Variants in KLHL1 observed in about 807,000 individuals in gnomAD.
The protein encoded by KLHL1 is kelch like family member 1.
KLHL1 carries 47 observed loss-of-function variants against 77.7 expected under a neutral mutation model. The observed-to-expected ratio is 0.60, with a 90% CI of 0.48 to 0.77. The LOEUF (loss-of-function observed/expected upper bound fraction) is 0.77. Among genes scored for constraint, KLHL1 ranks in the 30% least tolerant of loss-of-function variants. The pLI is 0.00. For missense variants in KLHL1, 925 were observed against 910.8 expected (o/e 1.02, Z -0.20); for synonymous variants, 360 against 325.2 (o/e 1.11, Z -1.15).
rs375572650 is a variant in KLHL1, at chr13:69,719,444, C to T, written c.1940G>A (p.Gly647Asp). 1.9e-6 allele frequency: 3 copies of T among 1,613,462 alleles called. No individual in the cohort carries two copies. The highest frequency in any genetic ancestry group is 2.5e-6 in the Non-Finnish European group (3 of 1,179,770). ...ATGACCTCCTACTGCATAAAGAAAA[C>T]CGTCACATGTGGCCACTCCGACACC... Reference protein sequence around the residue: ...RGGVGVATCDGFLYAVGGHDA... With the variant: ...RGGVGVATCDDFLYAVGGHDA... Residue 647 changes from glycine to aspartate, a missense_variant, in exon 9 of 11, where the codon GGT (glycine) becomes GAT (aspartate). Coordinates refer to ENST00000377844, the MANE Select transcript of KLHL1 (RefSeq NM_020866.3).
chr13:69,884,076 T>C (rs1881105941), intron 4 of KLHL1, among the ~76,000 whole-genome samples: 1 of 152,220 alleles, frequency 6.6e-6, no homozygotes, highest in Admixed American at 6.5e-5. Context: ...ACCATTAATC[T>C]GTATGTTAGA....
intron 5 of KLHL1, among the ~76,000 whole-genome samples, chr13:69,865,916 G>A (rs1880349779): frequency 6.6e-6 from 1 of 152,052 alleles, no homozygotes; most frequent in South Asian, 2.1e-4. Flanking sequence ...AATTTTATGT[G>A]TATTTTAACA....
intron 5 of KLHL1, among the ~76,000 whole-genome samples, chr13:69,869,920 A>G (rs1278960410): frequency 6.6e-6 from 1 of 152,212 alleles, no homozygotes; most frequent in Non-Finnish European, 1.5e-5. Flanking sequence ...AAATACTACA[A>G]TGGAAGGAAA....
intron 1 of KLHL1, among the ~76,000 whole-genome samples, chr13:70,025,107 C>T (rs564863982): frequency 6.6e-6 from 1 of 152,108 alleles, no homozygotes; most frequent in East Asian, 1.9e-4. Context: ...TCAGAGGACT[C>T]CAAACCCTTC....
chr13:69,762,394 T>A (rs955682063), intron 7 of KLHL1, among the ~76,000 whole-genome samples: 7 of 152,116 alleles, frequency 4.6e-5, no homozygotes, highest in Non-Finnish European at 8.8e-5. Flanking sequence ...GACTAAGTGC[T>A]GCAAGGCTTT....
chr13:69,749,753 G>A (rs556455766), intron 7 of KLHL1, among the ~76,000 whole-genome samples: 2 of 151,982 alleles, frequency 1.3e-5, no homozygotes, highest in East Asian at 1.9e-4. Flanking sequence ...GCAAAAGGTT[G>A]AGCCTCCATA....
At chr13:70,072,810 A>C (rs1887167620) in intron 1 of KLHL1, among the ~76,000 whole-genome samples, 1 of 152,172 alleles carries the variant, frequency 6.6e-6, no homozygotes, top group South Asian at 2.1e-4. Context: ...TTGGTAAAAA[A>C]CTTTTATTTA....
chr13:70,090,215 C>G (rs999830372), intron 1 of KLHL1, among the ~76,000 whole-genome samples: 1 of 152,026 alleles, frequency 6.6e-6, no homozygotes, highest in Non-Finnish European at 1.5e-5. Context: ...GAAGACATAT[C>G]AAACAGTAAC....
chr13:69,935,743 A>G (rs980071035), intron 4 of KLHL1, among the ~76,000 whole-genome samples: 1 of 152,192 alleles, frequency 6.6e-6, no homozygotes, highest in African/African-American at 2.4e-5. Context: ...CTGTATGAAC[A>G]GGGAAAATAA....
intron 7 of KLHL1, among the ~76,000 whole-genome samples, chr13:69,758,553 CT>C (rs1224308329): frequency 2.0e-5 from 3 of 151,954 alleles, no homozygotes; most frequent in Non-Finnish European, 2.9e-5. Context: ...CCACATCTTT[CT>C]TTATAAAGTC....
At chr13:70,082,394 C>G (rs1316000101) in intron 1 of KLHL1, among the ~76,000 whole-genome samples, 1 of 147,578 alleles carries the variant, frequency 6.8e-6, no homozygotes, top group Non-Finnish European at 1.5e-5. Context: ...GGTAGTTGCT[C>G]TAGGTGGATA....
At chr13:69,761,227 T>A (rs1420938377) in intron 7 of KLHL1, among the ~76,000 whole-genome samples, 1 of 152,168 alleles carries the variant, frequency 6.6e-6, no homozygotes, top group Admixed American at 6.6e-5. Flanking sequence ...CAGATAATAT[T>A]TGTAGACAGA....
At chr13:69,736,639 C>T (rs915427369) in intron 8 of KLHL1, among the ~76,000 whole-genome samples, 16 of 151,486 alleles carry the variant, frequency 1.1e-4, no homozygotes, top group African/African-American at 3.9e-4. Context: ...GGAACCAGCC[C>T]AAATGCCTAT....
intron 10 of KLHL1, 128 bp from the exon 11 acceptor site, chr13:69,701,889 A>G (rs1875411787): frequency 3.3e-6 from 2 of 597,824 alleles, no homozygotes; most frequent in African/African-American, 3.9e-5. Flanking sequence ...AGCCAGAAGT[A>G]GTACAGTAAA....
At chr13:69,790,529 G>C (rs1461677691) in intron 7 of KLHL1, among the ~76,000 whole-genome samples, 1 of 152,092 alleles carries the variant, frequency 6.6e-6, no homozygotes, top group Non-Finnish European at 1.5e-5. Context: ...GACTATAGAT[G>C]TGAAATCTTC....
intron 5 of KLHL1, among the ~76,000 whole-genome samples, chr13:69,871,930 T>C (rs1208851528): frequency 6.6e-6 from 1 of 152,052 alleles, no homozygotes; most frequent in Non-Finnish European, 1.5e-5. Flanking sequence ...CCCTCCAAAC[T>C]TTTCCAATCT....
At chr13:69,743,129 TGG>T (rs2137933805) in intron 7 of KLHL1, among the ~76,000 whole-genome samples, 1 of 152,288 alleles carries the variant, frequency 6.6e-6, no homozygotes, top group Admixed American at 6.5e-5. Flanking sequence ...TATGCTCTTC[TGG>T]AGAATATGAT....
intron 1 of KLHL1, among the ~76,000 whole-genome samples, chr13:70,099,063 G>A (rs111918967): frequency 6.6e-6 from 1 of 151,340 alleles, no homozygotes; most frequent in South Asian, 2.1e-4. Flanking sequence ...CACAGAAAAC[G>A]GTCTTATAAT....
chr13:69,827,558 C>T (rs1046377206), intron 6 of KLHL1, among the ~76,000 whole-genome samples: 1 of 151,550 alleles, frequency 6.6e-6, no homozygotes, highest in Admixed American at 6.6e-5. Context: ...GGTGAAACCC[C>T]GTCTCTACAG....
Sources: allele counts gnomAD v4.1 joint callset (sites outside exome capture counted in the v4.1 genomes callset), GRCh38; gene constraint gnomAD v4.1.1; transcripts MANE v1.5; gene names NCBI Gene and HGNC (gene_info 2026-07-23, HGNC 2026-07-21).